The following SCLT1 variants were observed in gnomAD, a reference collection of about 807,000 sequenced individuals.
SCLT1 encodes the protein sodium channel-associated protein 1.
Under a neutral mutation model 112.8 loss-of-function variants are expected in SCLT1, and 78 were observed. The observed-to-expected ratio is 0.69, with a 90% CI of 0.58 to 0.83. The LOEUF is 0.83. Among genes scored for constraint, SCLT1 ranks in the 40% least tolerant of loss-of-function variants. The pLI is 0.00. For synonymous variants in SCLT1, 257 were observed against 254.7 expected, an observed-to-expected ratio of 1.01 and a Z score of -0.09; for missense variants, 747 against 770.4, an observed-to-expected ratio of 0.97 and a Z score of 0.36.
intron 1 of SCLT1, 37 bp downstream of exon 1, chr4:129,093,033 C>T: frequency 6.9e-7 from 1 of 1,449,470 alleles, no homozygotes; most frequent in Non-Finnish European, 9.7e-7. Flanking sequence ...CGATATTAAA[C>T]ATTGTATATG....
At chr4:128,942,002 T>C (rs10032000) in intron 17 of SCLT1, among the ~76,000 whole-genome samples, 37,594 of 151,948 alleles carry the variant, frequency 0.25, 6,072 homozygotes, top group African/African-American at 0.46. Context: ...TTGATCAAGT[T>C]GATTATTCTT....
At chr4:128,901,638 T>C (rs1434256906) in intron 18 of SCLT1, among the ~76,000 whole-genome samples, 1 of 152,024 alleles carries the variant, frequency 6.6e-6, no homozygotes, top group South Asian at 2.1e-4. Flanking sequence ...AACCTGCACG[T>C]TGTACACATG....
At chr4:128,987,657 A>T (rs578173215) in intron 9 of SCLT1, among the ~76,000 whole-genome samples, 4 of 152,322 alleles carry the variant, frequency 2.6e-5, no homozygotes, top group African/African-American at 9.6e-5. Context: ...AGAGGTGAAA[A>T]AAAAGAATGA....
rs547316668 is a variant in SCLT1, at chr4:128,983,709, C to G, written c.686+8458G>C. Among the ~76,000 whole-genome samples the G allele has an allele frequency of 3.5e-4, 54 of 152,250 alleles. 1 individual carries two copies. The South Asian group carries it at 0.011, about 30-fold the overall frequency. On this transcript the variant is annotated intron_variant, in intron 9 of 20. Transcript: ENST00000281142. ...TACTATGACAAGGTATCACCAAAAA[C>G]TCTCAAAATGAAATATGATTAAAGC...
At chr4:129,049,977 A>C (rs1748608145) in intron 2 of SCLT1, among the ~76,000 whole-genome samples, 1 of 152,148 alleles carries the variant, frequency 6.6e-6, no homozygotes, top group Admixed American at 6.5e-5. Flanking sequence ...CTTATGAGTG[A>C]AAACATGCAG....
chr4:129,072,127 G>A (rs1251895233), intron 2 of SCLT1, among the ~76,000 whole-genome samples: 2 of 152,106 alleles, frequency 1.3e-5, no homozygotes, highest in African/African-American at 4.8e-5. Flanking sequence ...GTCCGAAGAG[G>A]CTGAAGATAG....
intron 2 of SCLT1, among the ~76,000 whole-genome samples, chr4:129,044,517 C>CA (rs372891891): frequency 6.7e-6 from 1 of 149,732 alleles, no homozygotes; most frequent in African/African-American, 2.4e-5. Context: ...AAAATGTAAT[C>CA]AAAAAAAATC....
intron 18 of SCLT1, among the ~76,000 whole-genome samples, chr4:128,906,129 C>T (rs567681152): frequency 1.3e-5 from 2 of 152,316 alleles, no homozygotes; most frequent in East Asian, 3.9e-4. Context: ...TAATATCTTA[C>T]ATCTTGCCTT....
intron 9 of SCLT1, among the ~76,000 whole-genome samples, chr4:128,988,486 C>T (rs914475918): frequency 2.0e-5 from 3 of 151,212 alleles, no homozygotes; most frequent in East Asian, 1.9e-4. Flanking sequence ...ATAATAGATA[C>T]AAAAAAACCT....
chr4:129,067,462 T>C (rs946047314), intron 2 of SCLT1, among the ~76,000 whole-genome samples: 1 of 151,712 alleles, frequency 6.6e-6, no homozygotes, highest in African/African-American at 2.4e-5. Context: ...TTTCAAAAAC[T>C]GATTTATCCT....
At chr4:128,907,787 T>C (rs776381429) in intron 18 of SCLT1, among the ~76,000 whole-genome samples, 4 of 152,202 alleles carry the variant, frequency 2.6e-5, no homozygotes, top group Non-Finnish European at 5.9e-5. Flanking sequence ...ATTGTGACTA[T>C]CACTGGCATA....
intron 6 of SCLT1, among the ~76,000 whole-genome samples, chr4:129,000,863 G>A (rs1743415242): frequency 6.6e-6 from 1 of 151,578 alleles, no homozygotes; most frequent in Admixed American, 6.6e-5. Context: ...CGACCCTCTT[G>A]TGATCTCTTC....
At chr4:128,970,972 A>T (rs1740638427) in intron 9 of SCLT1, 1 of 152,220 alleles carries the variant, frequency 6.6e-6, no homozygotes, top group African/African-American at 2.4e-5. Flanking sequence ...TTGTTCCACC[A>T]TAATACAATG....
At chr4:129,000,875 A>G (rs1743416434) in intron 6 of SCLT1, among the ~76,000 whole-genome samples, 3 of 151,886 alleles carry the variant, frequency 2.0e-5, no homozygotes, top group African/African-American at 7.3e-5. Context: ...GATCTCTTCC[A>G]GTTACTATAC....
intron 2 of SCLT1, among the ~76,000 whole-genome samples, chr4:129,045,440 A>G (rs1361884005): frequency 6.6e-6 from 1 of 152,152 alleles, no homozygotes; most frequent in Non-Finnish European, 1.5e-5. Context: ...TGGCATATGG[A>G]GAAACATTTA....
At chr4:128,932,396 T>C (rs1736848594) in intron 18 of SCLT1, among the ~76,000 whole-genome samples, 1 of 152,178 alleles carries the variant, frequency 6.6e-6, no homozygotes, top group Non-Finnish European at 1.5e-5. Context: ...AAAATATCTA[T>C]AGTTTTTGAG....
At chr4:128,951,038 T>C (rs957029409) in intron 14 of SCLT1, among the ~76,000 whole-genome samples, 1 of 152,098 alleles carries the variant, frequency 6.6e-6, no homozygotes, top group Non-Finnish European at 1.5e-5. Context: ...TTTTTCTCCT[T>C]CCTGTGAGCA....
intron 11 of SCLT1, among the ~76,000 whole-genome samples, chr4:128,964,551 A>G (rs1349035697): frequency 6.6e-6 from 1 of 152,212 alleles, no homozygotes; most frequent in Non-Finnish European, 1.5e-5. Context: ...AAGATGCAAA[A>G]AGAATCTACA....
At chr4:129,008,849 G>T (rs1744263909) in intron 5 of SCLT1, among the ~76,000 whole-genome samples, 1 of 152,024 alleles carries the variant, frequency 6.6e-6, no homozygotes, top group Admixed American at 6.6e-5. Context: ...AGTGTGTGTA[G>T]TTTCTCTCTA....
Sources: allele counts gnomAD v4.1 joint callset (sites outside exome capture counted in the v4.1 genomes callset), GRCh38; gene constraint gnomAD v4.1.1; transcripts MANE v1.5; gene names NCBI Gene and HGNC (gene_info 2026-07-23, HGNC 2026-07-21).